The following ZMYM4 variants were observed in gnomAD, a reference collection of about 807,000 sequenced individuals.
ZMYM4 encodes the protein zinc finger MYM-type containing 4, also known as zinc finger MYM-type protein 4.
ZMYM4 carries 31 observed loss-of-function variants against 183.2 expected under a neutral mutation model. The observed-to-expected ratio is 0.17, with a 90% CI of 0.13 to 0.23. The LOEUF (loss-of-function observed/expected upper bound fraction) is 0.23, where lower values mean the gene tolerates loss of function less well. Among genes scored for constraint, ZMYM4 ranks in the 10% least tolerant of loss-of-function variants. ZMYM4 has a pLI of 1.00. For synonymous variants in ZMYM4, 592 were observed against 631.2 expected (o/e 0.94, Z 0.93); for missense variants, 1,273 against 1,840.3 (o/e 0.69, Z 5.64).
intron 6 of ZMYM4, 125 bp downstream of exon 6, chr1:35,370,238 A>G (rs1335136093): frequency 2.1e-6 from 3 of 1,458,506 alleles, no homozygotes; most frequent in Non-Finnish European, 2.7e-6. Flanking sequence ...TAAATTGTAT[A>G]TTGCATAATT....
chr1:35,303,300 AAAAG>A (rs1265350813), intron 1 of ZMYM4, among the ~76,000 whole-genome samples: 1 of 56,308 alleles, frequency 1.8e-5, no homozygotes, highest in Non-Finnish European at 1.5e-4. Flanking sequence ...AAAAAAAAAA[AAAAG>A]AAAAGAAAAA....
rs1038367257 is a variant in ZMYM4 at position 35,270,494 on chromosome 1, C to G, written c.39+1409C>G. Among the ~76,000 whole-genome samples, 3 of 152,218 alleles carry G rather than the reference C, an allele frequency of 2.0e-5. No individual in the cohort carries two copies. In the East Asian group the frequency reaches 5.8e-4, roughly 29 times the overall value. On this transcript the variant is annotated intron_variant, in intron 1 of 29. Coordinates refer to ENST00000314607, the MANE Select transcript of ZMYM4 (RefSeq NM_005095.3). ...TGCATTCCGGACATGCACAGCGGCT[C>G]ACGCCTGTAATCCCAGCACTTTGGG...
intron 2 of ZMYM4, among the ~76,000 whole-genome samples, chr1:35,338,819 A>G (rs1643081067): frequency 6.6e-6 from 1 of 151,924 alleles, no homozygotes; most frequent in South Asian, 2.1e-4. Context: ...TTTTTTTCTT[A>G]TTGAATTGTA....
chr1:35,274,408 C>T (rs1333874166), intron 1 of ZMYM4, among the ~76,000 whole-genome samples: 1 of 151,912 alleles, frequency 6.6e-6, no homozygotes. Context: ...AGTTTGAGAC[C>T]ATCCTGGACA....
At chr1:35,345,748 C>G (rs1022369279) in intron 2 of ZMYM4, among the ~76,000 whole-genome samples, 1 of 152,128 alleles carries the variant, frequency 6.6e-6, no homozygotes, top group Non-Finnish European at 1.5e-5. Context: ...TACCCAGCCT[C>G]CCACATTACT....
chr1:35,352,559 A>C (rs1643668031), intron 2 of ZMYM4, among the ~76,000 whole-genome samples: 1 of 151,942 alleles, frequency 6.6e-6, no homozygotes, highest in Middle Eastern at 3.2e-3. Flanking sequence ...GGATCACTCC[A>C]CTCTGACTTG....
chr1:35,354,727 TAAAAAAAA>T (rs57493035), intron 2 of ZMYM4, among the ~76,000 whole-genome samples: 11 of 84,036 alleles, frequency 1.3e-4, no homozygotes, highest in South Asian at 8.0e-4. Flanking sequence ...ACTTTGTCTT[TAAAAAAAA>T]AAAAAAAAAA....
chr1:35,413,220 A>G (rs1225745172), intron 26 of ZMYM4, among the ~76,000 whole-genome samples: 1 of 151,306 alleles, frequency 6.6e-6, no homozygotes, highest in South Asian at 2.1e-4. Context: ...TTGTTTTTAA[A>G]TTTTTTGTAG....
intron 7 of ZMYM4, among the ~76,000 whole-genome samples, chr1:35,380,085 T>C (rs1001313954): frequency 1.3e-5 from 2 of 152,250 alleles, no homozygotes; most frequent in Admixed American, 6.5e-5. Flanking sequence ...GCAGGGTTGC[T>C]ACAAGCCTTC....
chr1:35,328,312 C>T (rs1253259473), intron 2 of ZMYM4, among the ~76,000 whole-genome samples: 15 of 151,986 alleles, frequency 9.9e-5, no homozygotes. Context: ...GAGACAGGGT[C>T]TTGCAGTTGC....
intron 1 of ZMYM4, among the ~76,000 whole-genome samples, chr1:35,270,655 G>A (rs1639549465): frequency 6.6e-6 from 1 of 152,126 alleles, no homozygotes; most frequent in Admixed American, 6.5e-5. Flanking sequence ...AGCTATTCGG[G>A]AGGCTGAGGC....
At chr1:35,326,921 G>A (rs1348005361) in intron 2 of ZMYM4, among the ~76,000 whole-genome samples, 1 of 152,106 alleles carries the variant, frequency 6.6e-6, no homozygotes, top group Non-Finnish European at 1.5e-5. Context: ...GTGAAGTGGC[G>A]TGATCTAGGC....
chr1:35,352,733 A>G (rs957213280), intron 2 of ZMYM4, among the ~76,000 whole-genome samples: 2 of 152,066 alleles, frequency 1.3e-5, no homozygotes, highest in Non-Finnish European at 2.9e-5. Context: ...CTCCTACTCT[A>G]TTAGCTGTTC....
At chr1:35,318,553 G>C (rs890518704) in intron 1 of ZMYM4, among the ~76,000 whole-genome samples, 2 of 152,088 alleles carry the variant, frequency 1.3e-5, no homozygotes, top group African/African-American at 4.8e-5. Flanking sequence ...CGTCTCCCAG[G>C]TTCAAGTGAT....
rs1418828804 is a variant in ZMYM4 at position 35,387,543 on chromosome 1, T to G, written c.2202T>G (p.Ile734Met). 1 of 1,613,890 alleles carries G rather than the reference T, an allele frequency of 6.2e-7. No homozygotes were observed. The highest frequency in any genetic ancestry group is 1.1e-5 in the South Asian group (1 of 90,998). Residue 734 changes from isoleucine (I) to methionine (M), a missense_variant, in exon 13 of 30, where the codon ATT becomes ATG. Coordinates refer to ENST00000314607, the MANE Select transcript of ZMYM4 (RefSeq NM_005095.3). Reference protein sequence around the residue: ...NVMAMCEYCKIEKIVKETVRF... With the variant: ...NVMAMCEYCKMEKIVKETVRF... The stretch of plus-strand genomic sequence containing the variant: ...TGGCAATGTGTGAATATTGTAAAAT[T>G]GAGAAAATTGTAAAGGAGACTGTTC...
chr1:35,318,527 G>A (rs1453583256), intron 1 of ZMYM4, among the ~76,000 whole-genome samples: 1 of 151,934 alleles, frequency 6.6e-6, no homozygotes, highest in Non-Finnish European at 1.5e-5. Flanking sequence ...GCATAATCTC[G>A]GCTCACTGCA....
Position 35,398,452 on chromosome 1 carries a change from A to C in ZMYM4, c.3239A>C (p.Lys1080Thr). Residue 1080 changes from lysine (K) to threonine (T), a missense_variant, in exon 21 of 30, where the codon AAG (lysine) becomes ACG (threonine). Lys to Thr is a moderately conservative substitution (Grantham distance 78, BLOSUM62 -1). Coordinates refer to ENST00000314607, the MANE Select transcript of ZMYM4 (RefSeq NM_005095.3). The part of the protein sequence containing the change: ...TSEHELFLDT[K>T]IFEKDQGSTY... ...GAACACGAACTCTTTCTAGACACCA[A>C]GATATTTGAAAAAGGTTTGTAGTTG... is the stretch of plus-strand genomic sequence containing the variant. 1 of 1,612,128 alleles carries C rather than the reference A, an allele frequency of 6.2e-7. No individual in the cohort carries two copies. Among genetic ancestry groups the C allele is most frequent in the South Asian group, 1.1e-5 (1 of 90,592 alleles).
At chr1:35,386,274 C>A in intron 11 of ZMYM4, 85 bp downstream of exon 11, 1 of 896,990 alleles carries the variant, frequency 1.1e-6, no homozygotes, top group Non-Finnish European at 1.7e-6. Flanking sequence ...AAAGAAATAC[C>A]CTAGACTGGG....
In ZMYM4 at chr1:35,347,272, G is replaced by T. The variant is rs555653529; in HGVS notation, c.86-11653G>T. 5.9e-5 allele frequency among the ~76,000 whole-genome samples: 9 copies of T among 152,310 alleles called. No homozygotes were observed. The South Asian group carries it at 1.7e-3, about 28-fold the overall frequency. ...TCCACCGGCCTCGGCCTCCCAAAGT[G>T]CTGGGATTACAGGCGTGAGCCACCG... On this transcript the variant is annotated intron_variant, in intron 2 of 29. Coordinates refer to ENST00000314607, the MANE Select transcript of ZMYM4 (RefSeq NM_005095.3).
Sources: allele counts gnomAD v4.1 joint callset (sites outside exome capture counted in the v4.1 genomes callset), GRCh38; gene constraint gnomAD v4.1.1; transcripts MANE v1.5; gene names NCBI Gene and HGNC (gene_info 2026-07-23, HGNC 2026-07-21).